The following COG5 variants were observed in gnomAD, a reference collection of about 807,000 sequenced individuals.
The protein encoded by COG5 is component of oligomeric golgi complex 5, also known as conserved oligomeric Golgi complex subunit 5.
In COG5, 86 loss-of-function variants were observed where a neutral mutation model predicts 110.4. That is an observed-to-expected ratio of 0.78 (90% CI 0.65 to 0.93). The LOEUF (loss-of-function observed/expected upper bound fraction) is 0.93. Among genes scored for constraint, COG5 ranks in the 40% least tolerant of loss-of-function variants. COG5 has a pLI of 0.00. For missense variants in COG5, 1,077 were observed against 987.0 expected, an observed-to-expected ratio of 1.09 and a Z score of -1.22; for synonymous variants, 360 against 334.6, an observed-to-expected ratio of 1.08 and a Z score of -0.83.
rs866617455 is a variant in COG5, at chr7:107,256,740, C to A, written c.1741G>T (p.Ala581Ser). The A allele has an allele frequency of 6.2e-7, 1 of 1,608,016 alleles. No homozygotes were observed. The highest frequency in any genetic ancestry group is 1.3e-5 in the African/African-American group (1 of 74,740). The change falls in exon 16 of 22, where the codon GCT becomes TCT. Residue 581 changes from alanine to serine, a missense_variant. Physicochemically the swap from Ala to Ser is moderately conservative, Grantham distance 99. Transcript: ENST00000297135. ...PLAAEQTIIS[A>S]LKAIHALMEN... ...AGATTAAATTCTTTTACCTTTAGAG[C>A]TGAAATTATAGTTTGCTCAGCTGCC...
chr7:107,385,026 A>C (rs1790084340), intron 7 of COG5, among the ~76,000 whole-genome samples: 1 of 152,244 alleles, frequency 6.6e-6, no homozygotes, highest in Non-Finnish European at 1.5e-5. Context: ...TGAAGACAGC[A>C]TCTTTGCACA....
chr7:107,308,226 T>C (rs1807900075), intron 11 of COG5, among the ~76,000 whole-genome samples: 1 of 152,212 alleles, frequency 6.6e-6, no homozygotes, highest in African/African-American at 2.4e-5. Flanking sequence ...GAATCTAAAA[T>C]AGTGTTTTTC....
intron 1 of COG5, among the ~76,000 whole-genome samples, chr7:107,559,655 G>C (rs528514171): frequency 1.3e-5 from 2 of 152,270 alleles, no homozygotes; most frequent in East Asian, 3.9e-4. Flanking sequence ...TTAAAATGTA[G>C]TGGAATGAAA....
In COG5 at chr7:107,258,264, AAT is replaced by A. The variant is rs778832539; in HGVS notation, c.1686+7_1686+8del. 2.0e-6 allele frequency: 3 copies of A among 1,532,358 alleles called. No individual in the cohort carries two copies. In the South Asian group the frequency reaches 3.4e-5, roughly 17 times the overall value. 94.9% of individuals were successfully genotyped at this position (1,532,358 alleles called of 1,614,324 possible). A position where few individuals can be genotyped will look rare whatever the true frequency, so the allele number is the denominator to read the frequency against. ...AATTAAGTAAAAAAAAACTTAATAA[AAT>A]AGTTACCTTTGTTACTGATTGGTGC... On this transcript the variant is annotated splice_region_variant and intron_variant, in intron 15 of 21. Transcript: ENST00000297135.
chr7:107,237,523 G>A (rs1358666583), intron 17 of COG5, among the ~76,000 whole-genome samples: 1 of 152,180 alleles, frequency 6.6e-6, no homozygotes, highest in Non-Finnish European at 1.5e-5. Flanking sequence ...ATTGGTGATG[G>A]TCTATAGAAG....
At chr7:107,519,037 T>C (rs929754421) in intron 6 of COG5, among the ~76,000 whole-genome samples, 1 of 152,146 alleles carries the variant, frequency 6.6e-6, no homozygotes, top group South Asian at 2.1e-4. Context: ...GAACAACCGC[T>C]CCTAAATGAC....
At chr7:107,392,591 A>G (rs1346250052) in intron 7 of COG5, among the ~76,000 whole-genome samples, 1 of 152,046 alleles carries the variant, frequency 6.6e-6, no homozygotes, top group East Asian at 1.9e-4. Context: ...AGAATGACCA[A>G]TGAGTTTTCT....
intron 6 of COG5, among the ~76,000 whole-genome samples, chr7:107,494,622 T>C (rs1169199404): frequency 1.3e-5 from 2 of 152,216 alleles, no homozygotes; most frequent in African/African-American, 2.4e-5. Context: ...TTTGTGTAAA[T>C]ACACTCTATG....
At chr7:107,554,207 C>A in intron 3 of COG5, 78 bp downstream of exon 3, 1 of 1,234,790 alleles carries the variant, frequency 8.1e-7, no homozygotes, top group Non-Finnish European at 1.2e-6. Context: ...AAAATACTTG[C>A]CATCCAAAGT....
intron 6 of COG5, among the ~76,000 whole-genome samples, chr7:107,481,728 C>G (rs1204302125): frequency 1.3e-5 from 2 of 152,102 alleles, no homozygotes; most frequent in Non-Finnish European, 2.9e-5. Flanking sequence ...TTTGTCTTTT[C>G]TTTTGCTGTT....
intron 21 of COG5, among the ~76,000 whole-genome samples, chr7:107,205,908 C>T (rs1351229852): frequency 6.6e-6 from 1 of 151,756 alleles, no homozygotes; most frequent in East Asian, 1.9e-4. Context: ...TACTTTAAAT[C>T]AGGTATGCAG....
At chr7:107,264,476 G>C (rs141354651) in intron 14 of COG5, among the ~76,000 whole-genome samples, 7 of 152,228 alleles carry the variant, frequency 4.6e-5, no homozygotes, top group Non-Finnish European at 5.9e-5. Flanking sequence ...AGGATCGCTT[G>C]AGCCCAGGAG....
At chr7:107,432,971 G>T (rs748473009) in intron 6 of COG5, among the ~76,000 whole-genome samples, 2 of 151,758 alleles carry the variant, frequency 1.3e-5, no homozygotes, top group Non-Finnish European at 1.5e-5. Flanking sequence ...AAAAATAAAC[G>T]AATTTAGCGA....
At chr7:107,559,595 T>A (rs546007109) in intron 1 of COG5, among the ~76,000 whole-genome samples, 279 of 152,312 alleles carry the variant, frequency 1.8e-3, no homozygotes, top group African/African-American at 6.0e-3. Context: ...TTAGTATCAT[T>A]CTGGTAACAA....
At chr7:107,332,696 C>T (rs1434129444) in intron 10 of COG5, among the ~76,000 whole-genome samples, 1 of 151,998 alleles carries the variant, frequency 6.6e-6, no homozygotes, top group Non-Finnish European at 1.5e-5. Context: ...ACCTTGACAT[C>T]AAGGGTGTGG....
intron 6 of COG5, among the ~76,000 whole-genome samples, chr7:107,486,904 T>C (rs1797686294): frequency 6.6e-6 from 1 of 152,184 alleles, no homozygotes; most frequent in Non-Finnish European, 1.5e-5. Flanking sequence ...ATAGTCTATG[T>C]GACAGTAAAT....
intron 11 of COG5, among the ~76,000 whole-genome samples, chr7:107,321,561 G>A (rs559129618): frequency 6.6e-6 from 1 of 152,284 alleles, no homozygotes; most frequent in East Asian, 1.9e-4. Context: ...CTGTTGTACT[G>A]ATGTAAACAT....
intron 6 of COG5, among the ~76,000 whole-genome samples, chr7:107,500,519 CT>C (rs1355764524): frequency 6.6e-6 from 1 of 152,118 alleles, no homozygotes; most frequent in Non-Finnish European, 1.5e-5. Flanking sequence ...TAATTTGGCA[CT>C]TTTTAGTTAC....
intron 5 of COG5, among the ~76,000 whole-genome samples, chr7:107,541,479 A>T (rs935201209): frequency 7.8e-6 from 1 of 128,240 alleles, no homozygotes; most frequent in African/African-American, 3.0e-5. Flanking sequence ...CCTGGGCAAC[A>T]GAGTGAGACC....
Sources: gnomAD v4.1 joint callset for allele counts (sites outside exome capture counted in the v4.1 genomes callset) on GRCh38, gnomAD v4.1.1 for gene constraint, MANE v1.5 for transcripts, NCBI Gene and HGNC (gene_info 2026-07-23, HGNC 2026-07-21) for gene names.